Variants in DLG1 observed in about 807,000 individuals in gnomAD.
The protein encoded by DLG1 is discs large MAGUK scaffold protein 1.
DLG1 carries 42 observed loss-of-function variants against 123.4 expected under a neutral mutation model. The ratio of observed to expected loss-of-function variants is 0.34; its 90% CI spans 0.27 to 0.44. The LOEUF (loss-of-function observed/expected upper bound fraction) is 0.44, where lower values mean the gene tolerates loss of function less well. Among genes scored for constraint, DLG1 ranks in the 20% least tolerant of loss-of-function variants. DLG1 has a pLI of 1.00. For synonymous variants in DLG1, 317 were observed against 356.2 expected (o/e 0.89, Z 1.24); for missense variants, 942 against 1,082.6 (o/e 0.87, Z 1.82).
intron 13 of DLG1, among the ~76,000 whole-genome samples, chr3:197,113,517 A>T (rs1771280293): frequency 6.6e-6 from 1 of 152,172 alleles, no homozygotes; most frequent in Admixed American, 6.5e-5. Flanking sequence ...ATCTATGTAT[A>T]ATAACATTAT....
At chr3:197,298,717 G>T, upstream of DLG1, 1 of 397,528 alleles carries the variant, frequency 2.5e-6, no homozygotes, top group East Asian at 3.6e-5. Context: ...TTCGGGGAGG[G>T]GTGCCAACTC....
chr3:197,165,055 G>GA (rs1800740280), intron 5 of DLG1, among the ~76,000 whole-genome samples: 1 of 152,130 alleles, frequency 6.6e-6, no homozygotes, highest in African/African-American at 2.4e-5. Context: ...AAGGGAAGAT[G>GA]AAACACATAA....
intron 5 of DLG1, among the ~76,000 whole-genome samples, chr3:197,166,084 A>G (rs1331999446): frequency 6.6e-6 from 1 of 152,202 alleles, no homozygotes; most frequent in Non-Finnish European, 1.5e-5. Flanking sequence ...GGGTGTCTAC[A>G]TGGACAAAGC....
At chr3:197,217,907 G>A (rs928600707) in intron 4 of DLG1, among the ~76,000 whole-genome samples, 1 of 152,084 alleles carries the variant, frequency 6.6e-6, no homozygotes, top group Admixed American at 6.6e-5. Flanking sequence ...ACTTAAAGAC[G>A]CTGTACTTTT....
chr3:197,202,643 G>A (rs767374970), intron 4 of DLG1, among the ~76,000 whole-genome samples: 6 of 152,142 alleles, frequency 3.9e-5, no homozygotes, highest in Non-Finnish European at 7.4e-5. Context: ...TCTTAAAGTG[G>A]CAATCAAGGC....
At chr3:197,289,064 G>A (rs1019755358) in intron 3 of DLG1, among the ~76,000 whole-genome samples, 16 of 152,136 alleles carry the variant, frequency 1.1e-4, no homozygotes, top group African/African-American at 3.4e-4. Flanking sequence ...CTATAATTAC[G>A]TGTTTTTAGT....
chr3:197,089,464 C>T (rs1756412459), intron 15 of DLG1, among the ~76,000 whole-genome samples: 1 of 150,970 alleles, frequency 6.6e-6, no homozygotes, highest in Non-Finnish European at 1.5e-5. Context: ...GAGGTTGAGG[C>T]TACAGTGAGC....
chr3:197,278,432 C>G (rs1292778894), intron 4 of DLG1, among the ~76,000 whole-genome samples: 2 of 151,436 alleles, frequency 1.3e-5, no homozygotes, highest in Non-Finnish European at 2.9e-5. Context: ...GATCGCACCA[C>G]TGCACTTCAG....
intron 4 of DLG1, among the ~76,000 whole-genome samples, chr3:197,276,951 G>A (rs1394114133): frequency 6.6e-6 from 1 of 151,952 alleles, no homozygotes; most frequent in Non-Finnish European, 1.5e-5. Context: ...GAGTGCGGTG[G>A]TACGATCTTG....
At position 197,209,662 on chromosome 3, in the gene DLG1, C is replaced by T. The variant is rs978040474; in HGVS notation, c.319-15073G>A. On this transcript the variant is annotated intron_variant, in intron 4 of 24. Coordinates refer to ENST00000667157, the MANE Select transcript of DLG1 (RefSeq NM_001366207.1). ...AATTTAAAAGGATTGAAATCACAACCAATCCATTCTCTAACCACAATGGAA... is the reference window on the plus strand; with the variant it reads ...AATTTAAAAGGATTGAAATCACAACTAATCCATTCTCTAACCACAATGGAA... Among the ~76,000 whole-genome samples, 9 of 146,424 alleles carry T rather than the reference C, an allele frequency of 6.1e-5. 1 individual carries two copies. The highest frequency in any genetic ancestry group is 5.5e-4 in the Admixed American group (8 of 14,544).
At chr3:197,100,953 T>C (rs999279042) in intron 14 of DLG1, among the ~76,000 whole-genome samples, 2 of 152,178 alleles carry the variant, frequency 1.3e-5, no homozygotes, top group African/African-American at 4.8e-5. Context: ...GAAATGTACG[T>C]TTTTCTAATA....
At chr3:197,244,358 G>C (rs1014877586) in intron 4 of DLG1, among the ~76,000 whole-genome samples, 1 of 152,178 alleles carries the variant, frequency 6.6e-6, no homozygotes, top group Non-Finnish European at 1.5e-5. Flanking sequence ...GGGACAATCT[G>C]GGCCTTTGGC....
At chr3:197,252,181 G>A (rs143091014) in intron 4 of DLG1, among the ~76,000 whole-genome samples, 48 of 152,262 alleles carry the variant, frequency 3.2e-4, no homozygotes, top group African/African-American at 1.1e-3. Flanking sequence ...ATATGAAAGG[G>A]AGGAGATTTA....
At chr3:197,175,019 T>C (rs1260769538) in intron 5 of DLG1, among the ~76,000 whole-genome samples, 1 of 152,178 alleles carries the variant, frequency 6.6e-6, no homozygotes, top group African/African-American at 2.4e-5. Flanking sequence ...GGAAAAAGAA[T>C]GAATAGGAAG....
At chr3:197,238,235 GAA>G (rs1478792741) in intron 4 of DLG1, among the ~76,000 whole-genome samples, 1 of 152,076 alleles carries the variant, frequency 6.6e-6, no homozygotes, top group Non-Finnish European at 1.5e-5. Flanking sequence ...AAAAAATGTC[GAA>G]GTTTCCCTTG....
At chr3:197,125,149 T>C (rs1778383174) in intron 11 of DLG1, among the ~76,000 whole-genome samples, 1 of 152,166 alleles carries the variant, frequency 6.6e-6, no homozygotes, top group African/African-American at 2.4e-5. Flanking sequence ...TTCTGGGTGC[T>C]TATATGAAAT....
chr3:197,160,000 G>T (rs1317453806), intron 5 of DLG1, among the ~76,000 whole-genome samples: 5 of 152,156 alleles, frequency 3.3e-5, no homozygotes, highest in African/African-American at 1.2e-4. Context: ...TCACTGTAAA[G>T]CGCCTCAAGT....
intron 16 of DLG1, among the ~76,000 whole-genome samples, chr3:197,081,824 A>G (rs1346876882): frequency 6.6e-6 from 1 of 152,152 alleles, no homozygotes; most frequent in Non-Finnish European, 1.5e-5. Context: ...AACTTTACCT[A>G]CTCAAAATAA....
At chr3:197,267,734 T>G (rs1762304594) in intron 4 of DLG1, among the ~76,000 whole-genome samples, 1 of 152,216 alleles carries the variant, frequency 6.6e-6, no homozygotes, top group African/African-American at 2.4e-5. Context: ...GCTGAAGTCT[T>G]TTTTTATATT....
Sources: allele counts gnomAD v4.1 joint callset (sites outside exome capture counted in the v4.1 genomes callset), GRCh38; gene constraint gnomAD v4.1.1; transcripts MANE v1.5; gene names NCBI Gene and HGNC (gene_info 2026-07-23, HGNC 2026-07-21).